FARS2: variants seen among roughly 807,000 people sequenced by gnomAD.
FARS2 encodes the protein phenylalanine--tRNA ligase, mitochondrial.
Under a neutral mutation model 46.4 loss-of-function variants are expected in FARS2, and 40 were observed. The observed-to-expected ratio is 0.86, with a 90% confidence interval of 0.67 to 1.12. FARS2 has a LOEUF of 1.12. Among genes scored for constraint, FARS2 ranks in the 50% most tolerant of loss-of-function variants. The pLI is 0.00. For missense variants in FARS2, 513 were observed against 567.9 expected, an observed-to-expected ratio of 0.90 and a Z score of 0.98; for synonymous variants, 234 against 214.9, an observed-to-expected ratio of 1.09 and a Z score of -0.78.
At chr6:5,434,484 G>A (rs781472167) in intron 4 of FARS2, among the ~76,000 whole-genome samples, 25 of 152,118 alleles carry the variant, frequency 1.6e-4, no homozygotes, top group Admixed American at 3.3e-4. Flanking sequence ...TTTATAGAAC[G>A]GATTCTGTGT....
chr6:5,572,078 G>A lies in FARS2; in HGVS notation c.1065+26738G>A, dbSNP rs138676885. On this transcript the variant is annotated intron_variant, in intron 5 of 6. Transcript: ENST00000274680. Reference sequence around the variant, plus strand: ...GACATGTTGTTTTCATGTTGAACATGCCTGTAGTAGGTCATTCTTGCATTG... The same window carrying A: ...GACATGTTGTTTTCATGTTGAACATACCTGTAGTAGGTCATTCTTGCATTG... Among the ~76,000 whole-genome samples the A allele has an allele frequency of 3.9e-5, 6 of 152,284 alleles. No individual in the cohort carries two copies. In the East Asian group the frequency reaches 1.2e-3, roughly 29 times the overall value.
chr6:5,368,013 A>G (rs574062560), intron 1 of FARS2, among the ~76,000 whole-genome samples: 7 of 152,340 alleles, frequency 4.6e-5, no homozygotes, highest in East Asian at 1.9e-4. Flanking sequence ...AAGTTATGCT[A>G]TGTCAAAGAT....
chr6:5,390,593 G>C (rs1760444888), intron 2 of FARS2, among the ~76,000 whole-genome samples: 1 of 152,182 alleles, frequency 6.6e-6, no homozygotes, highest in South Asian at 2.1e-4. Flanking sequence ...TCCTGGGTTT[G>C]AGCAATATTT....
At chr6:5,286,218 C>T (rs1286924107) in intron 1 of FARS2, among the ~76,000 whole-genome samples, 2 of 152,084 alleles carry the variant, frequency 1.3e-5, no homozygotes, top group Non-Finnish European at 2.9e-5. Flanking sequence ...TCTGACTGTC[C>T]ATGTTTCCTT....
At chr6:5,734,839 A>G (rs1331121227) in intron 6 of FARS2, among the ~76,000 whole-genome samples, 1 of 152,222 alleles carries the variant, frequency 6.6e-6, no homozygotes, top group African/African-American at 2.4e-5. Context: ...ACATACATGC[A>G]TACATACAAT....
chr6:5,449,070 C>T (rs1040733513), intron 4 of FARS2, among the ~76,000 whole-genome samples: 2 of 152,102 alleles, frequency 1.3e-5, no homozygotes, highest in African/African-American at 2.4e-5. Context: ...AGTCACTGGC[C>T]GGGTGCCGTG....
At chr6:5,670,294 A>C (rs1440663795) in intron 6 of FARS2, among the ~76,000 whole-genome samples, 1 of 152,236 alleles carries the variant, frequency 6.6e-6, no homozygotes, top group East Asian at 1.9e-4. Flanking sequence ...TAGATAATAC[A>C]TATTCAACAG....
intron 3 of FARS2, among the ~76,000 whole-genome samples, chr6:5,423,014 A>G (rs1762642850): frequency 1.3e-5 from 2 of 152,194 alleles, no homozygotes; most frequent in Non-Finnish European, 2.9e-5. Context: ...GAGGTCACTC[A>G]GCTGCAAGTG....
At chr6:5,593,676 C>G (rs140695261) in intron 5 of FARS2, among the ~76,000 whole-genome samples, 18 of 152,210 alleles carry the variant, frequency 1.2e-4, no homozygotes, top group African/African-American at 4.1e-4. Context: ...CACTTTGAAT[C>G]CTTGGGTTAT....
chr6:5,431,635 C>G (rs1164758821), intron 4 of FARS2: 1 of 532,636 alleles, frequency 1.9e-6, no homozygotes, highest in East Asian at 5.5e-5. Context: ...CACTTAGGCC[C>G]CTAATGCTTA....
chr6:5,687,991 G>T (rs576465678), intron 6 of FARS2, among the ~76,000 whole-genome samples: 2 of 152,034 alleles, frequency 1.3e-5, no homozygotes, highest in African/African-American at 2.4e-5. Context: ...TCATGATTTG[G>T]CTCTCTGTTT....
chr6:5,479,094 T>C (rs767541121), intron 4 of FARS2, among the ~76,000 whole-genome samples: 6 of 152,252 alleles, frequency 3.9e-5, no homozygotes, highest in Non-Finnish European at 7.3e-5. Context: ...TGAATCTGTA[T>C]CCTGGACATA....
chr6:5,435,074 G>A (rs1007128620), intron 4 of FARS2, among the ~76,000 whole-genome samples: 4 of 152,186 alleles, frequency 2.6e-5, no homozygotes, highest in African/African-American at 9.7e-5. Flanking sequence ...CCGGAGAAAG[G>A]TAATTCAGAT....
intron 4 of FARS2, among the ~76,000 whole-genome samples, chr6:5,490,143 G>A (rs1767013971): frequency 6.6e-6 from 1 of 152,036 alleles, no homozygotes; most frequent in African/African-American, 2.4e-5. Flanking sequence ...ATATGGACTT[G>A]GATAATACTT....
rs1241683552 is a variant in FARS2, at chr6:5,366,634, C to T, written c.-21-1916C>T. On this transcript the variant is annotated intron_variant, in intron 1 of 6. Coordinates refer to ENST00000274680, the MANE Select transcript of FARS2 (RefSeq NM_006567.5). ...GAAGGGACACGAGGCTGGGGCACAT[C>T]CCTGGGAATGGAACCCAAGTGTGGG... Among the ~76,000 whole-genome samples, 3 of 152,064 alleles carry T rather than the reference C, an allele frequency of 2.0e-5. No homozygotes were observed. The East Asian group carries it at 5.8e-4, about 29-fold the overall frequency.
At chr6:5,464,867 A>G (rs1271047658) in intron 4 of FARS2, among the ~76,000 whole-genome samples, 1 of 152,224 alleles carries the variant, frequency 6.6e-6, no homozygotes, top group Non-Finnish European at 1.5e-5. Flanking sequence ...TAACATGAAA[A>G]TAACAAAATG....
intron 6 of FARS2, among the ~76,000 whole-genome samples, chr6:5,693,826 C>T (rs1437818017): frequency 6.6e-6 from 1 of 152,172 alleles, no homozygotes; most frequent in Non-Finnish European, 1.5e-5. Context: ...GCGGCCTGGC[C>T]TTCCTTACTG....
At chr6:5,624,232 A>G (rs1319283867) in intron 6 of FARS2, among the ~76,000 whole-genome samples, 1 of 152,066 alleles carries the variant, frequency 6.6e-6, no homozygotes, top group Non-Finnish European at 1.5e-5. Context: ...TCCTTCCCCA[A>G]GCTTTCTTTT....
chr6:5,262,489 G>C (rs1378095711), intron 1 of FARS2, among the ~76,000 whole-genome samples: 1 of 152,116 alleles, frequency 6.6e-6, no homozygotes, highest in Non-Finnish European at 1.5e-5. Flanking sequence ...ATGTTGGTCA[G>C]GCTGGTCTCG....
Sources: allele counts gnomAD v4.1 joint callset (sites outside exome capture counted in the v4.1 genomes callset), GRCh38; gene constraint gnomAD v4.1.1; transcripts MANE v1.5; gene names NCBI Gene and HGNC (gene_info 2026-07-23, HGNC 2026-07-21).